AKT3: variants seen among roughly 807,000 people sequenced by gnomAD.
AKT3 encodes AKT serine/threonine kinase 3, also known as RAC-gamma serine/threonine-protein kinase.
In AKT3, 15 loss-of-function variants were observed where a neutral mutation model predicts 65.3. That is an observed-to-expected ratio of 0.23 (90% confidence interval 0.15 to 0.35). AKT3 has a LOEUF of 0.35. Among genes scored for constraint, AKT3 ranks in the 10% least tolerant of loss-of-function variants. The pLI is 1.00. For synonymous variants in AKT3, 206 were observed against 183.8 expected (o/e 1.12, Z -0.98); for missense variants, 243 against 576.5 (o/e 0.42, Z 5.92).
At chr1:243,762,584 T>C (rs1028712930) in intron 2 of AKT3, among the ~76,000 whole-genome samples, 1 of 152,002 alleles carries the variant, frequency 6.6e-6, no homozygotes, top group Non-Finnish European at 1.5e-5. Context: ...CAATCATAAG[T>C]CCCACTTCAA....
chr1:243,576,907 C>T (rs756431744), intron 8 of AKT3, among the ~76,000 whole-genome samples: 4 of 152,078 alleles, frequency 2.6e-5, no homozygotes, highest in Non-Finnish European at 5.9e-5. Context: ...AAAAAAGAAC[C>T]CACAGAGCCA....
rs530503544 is a variant in AKT3, at chr1:243,569,307, T to C, written c.819+3619A>G. On this transcript the variant is annotated intron_variant, in intron 9 of 13. Transcript: ENST00000673466. Reference sequence around the variant, plus strand: ...ATCATGTAAACAGACCCCAAATAGGTTGCCAGGCTATTTACAAATTTATTA... The same window carrying C: ...ATCATGTAAACAGACCCCAAATAGGCTGCCAGGCTATTTACAAATTTATTA... 2.0e-5 allele frequency among the ~76,000 whole-genome samples: 3 copies of C among 152,310 alleles called. No homozygotes were observed. The East Asian group carries it at 5.8e-4, about 29-fold the overall frequency.
intron 2 of AKT3, among the ~76,000 whole-genome samples, chr1:243,731,374 G>A (rs996454009): frequency 6.6e-6 from 1 of 152,168 alleles, no homozygotes; most frequent in Admixed American, 6.5e-5. Context: ...TTGATATACA[G>A]CAAGAACTAA....
intron 6 of AKT3, among the ~76,000 whole-genome samples, chr1:243,631,372 C>T (rs1679597428): frequency 6.6e-6 from 1 of 152,074 alleles, no homozygotes; most frequent in African/African-American, 2.4e-5. Flanking sequence ...AGTGCAGTGG[C>T]ACGATCTTGG....
At chr1:243,494,661 G>T (rs1458087658) in intron 13 of AKT3, among the ~76,000 whole-genome samples, 1 of 152,208 alleles carries the variant, frequency 6.6e-6, no homozygotes, top group Non-Finnish European at 1.5e-5. Context: ...GTCCAAGAGT[G>T]AGTACTTTCA....
intron 3 of AKT3, among the ~76,000 whole-genome samples, chr1:243,673,555 C>T (rs984608842): frequency 6.7e-6 from 1 of 148,934 alleles, no homozygotes; most frequent in Non-Finnish European, 1.5e-5. Flanking sequence ...CAGATGTACA[C>T]AGGATATTTA....
intron 6 of AKT3, among the ~76,000 whole-genome samples, chr1:243,630,945 C>T (rs567921538): frequency 6.7e-6 from 1 of 150,356 alleles, no homozygotes; most frequent in South Asian, 2.1e-4. Context: ...TCTCAAGAAC[C>T]AATGTTTCAT....
intron 8 of AKT3, among the ~76,000 whole-genome samples, chr1:243,580,405 A>G (rs1420908598): frequency 6.6e-6 from 1 of 152,196 alleles, no homozygotes; most frequent in Non-Finnish European, 1.5e-5. Context: ...GAAAAAGCTG[A>G]AGGCATTTTT....
At chr1:243,590,503 G>A (rs1676148950) in intron 8 of AKT3, among the ~76,000 whole-genome samples, 1 of 151,490 alleles carries the variant, frequency 6.6e-6, no homozygotes, top group Non-Finnish European at 1.5e-5. Context: ...CTATAACCAA[G>A]AGAAAAATCA....
intron 2 of AKT3, among the ~76,000 whole-genome samples, chr1:243,707,831 A>G (rs920491281): frequency 1.6e-4 from 25 of 152,158 alleles, no homozygotes; most frequent in Admixed American, 1.6e-3. Flanking sequence ...GTATGCTTTT[A>G]TAAGTGCACA....
intron 4 of AKT3, among the ~76,000 whole-genome samples, chr1:243,652,254 TG>T (rs1681403772): frequency 6.6e-6 from 1 of 152,068 alleles, no homozygotes; most frequent in South Asian, 2.1e-4. Flanking sequence ...TTTGCCATGT[TG>T]GCCAGGCTGA....
intron 2 of AKT3, among the ~76,000 whole-genome samples, chr1:243,768,255 A>G (rs1476089532): frequency 2.0e-5 from 3 of 151,960 alleles, no homozygotes; most frequent in Non-Finnish European, 4.4e-5. Context: ...ACAAAATCTT[A>G]CATAGTGACA....
intron 2 of AKT3, among the ~76,000 whole-genome samples, chr1:243,842,052 T>G (rs962539566): frequency 1.3e-5 from 2 of 152,172 alleles, no homozygotes; most frequent in Non-Finnish European, 2.9e-5. Context: ...CTCGGGTTAA[T>G]GAAAATAACC....
At chr1:243,709,256 T>C (rs1467626466) in intron 2 of AKT3, among the ~76,000 whole-genome samples, 15 of 126,980 alleles carry the variant, frequency 1.2e-4, no homozygotes, top group East Asian at 2.2e-4. Flanking sequence ...ACTTCTCCCA[T>C]ATAGAAAAAA....
chr1:243,838,155 T>C (rs1303524060), intron 2 of AKT3, among the ~76,000 whole-genome samples: 2 of 152,210 alleles, frequency 1.3e-5, no homozygotes, highest in Admixed American at 6.5e-5. Context: ...GTTTGCTCCA[T>C]GTGGTTCTAT....
intron 12 of AKT3, among the ~76,000 whole-genome samples, chr1:243,532,752 A>T (rs1421149285): frequency 2.0e-5 from 3 of 152,154 alleles, no homozygotes; most frequent in Non-Finnish European, 2.9e-5. Context: ...TGTTGGGTAG[A>T]CTTCCCCAGT....
chr1:243,660,003 T>A lies in AKT3; in HGVS notation c.284+4769A>T, dbSNP rs961395008. 3.2e-3 allele frequency among the ~76,000 whole-genome samples: 488 copies of A among 152,106 alleles called. 6 individuals are homozygous for A. The highest frequency in any genetic ancestry group is 9.6e-4 in the Non-Finnish European group (65 of 67,970). On this transcript the variant is annotated intron_variant, in intron 4 of 13. Transcript: ENST00000673466. ...GATGATGCTGGCCTCATAAAATGAG[T>A]TAGGGAGGATTCCCTCTTTTTCTAT...
intron 6 of AKT3, among the ~76,000 whole-genome samples, chr1:243,635,683 T>C (rs569275679): frequency 1.3e-4 from 20 of 152,124 alleles, no homozygotes; most frequent in African/African-American, 4.6e-4. Flanking sequence ...TCCTCTAAGA[T>C]ACTGATTACT....
chr1:243,850,352 G>T (rs1196525204), upstream of AKT3, among the ~76,000 whole-genome samples: 1 of 151,368 alleles, frequency 6.6e-6, no homozygotes, highest in Non-Finnish European at 1.5e-5. Context: ...GGCGGCGGCG[G>T]GGAGAGGAGG....
Sources: allele counts gnomAD v4.1 joint callset (sites outside exome capture counted in the v4.1 genomes callset), GRCh38; gene constraint gnomAD v4.1.1; transcripts MANE v1.5; gene names NCBI Gene and HGNC (gene_info 2026-07-23, HGNC 2026-07-21).